The following CCSER1 variants were observed in gnomAD, a reference collection of about 807,000 sequenced individuals.
CCSER1 encodes serine-rich coiled-coil domain-containing protein 1.
A neutral mutation model predicts 82.0 loss-of-function variants in CCSER1; 41 were observed. The observed-to-expected ratio is 0.50, with a 90% confidence interval of 0.39 to 0.65. The LOEUF (loss-of-function observed/expected upper bound fraction) is 0.65, where lower values mean the gene tolerates loss of function less well. Among genes scored for constraint, CCSER1 ranks in the 30% least tolerant of loss-of-function variants. CCSER1 has a pLI of 0.00. For synonymous variants in CCSER1, 414 were observed against 383.9 expected (o/e 1.08, Z -0.92); for missense variants, 1,119 against 1,064.2 (o/e 1.05, Z -0.72).
chr4:91,103,051 G>A (rs911021458), intron 10 of CCSER1, among the ~76,000 whole-genome samples: 6 of 152,052 alleles, frequency 3.9e-5, no homozygotes, highest in African/African-American at 1.4e-4. Flanking sequence ...TTTTGGCATT[G>A]CTGTGTAACG....
chr4:91,188,216 G>A (rs1047978846), intron 10 of CCSER1, among the ~76,000 whole-genome samples: 3 of 152,036 alleles, frequency 2.0e-5, no homozygotes, highest in Non-Finnish European at 2.9e-5. Flanking sequence ...ACTTGAAAAT[G>A]TTCTGTTTTA....
At chr4:91,392,428 T>C (rs896762857) in intron 10 of CCSER1, among the ~76,000 whole-genome samples, 13 of 151,214 alleles carry the variant, frequency 8.6e-5, no homozygotes, top group African/African-American at 3.2e-4. Flanking sequence ...TCTTTTGTGA[T>C]TTTTTTTCCT....
intron 5 of CCSER1, among the ~76,000 whole-genome samples, chr4:90,512,854 G>T (rs1305045266): frequency 6.6e-6 from 1 of 152,120 alleles, no homozygotes. Context: ...AATAATTTGT[G>T]TAAGTAAAAC....
At chr4:91,135,784 C>T (rs1378781106) in intron 10 of CCSER1, among the ~76,000 whole-genome samples, 1 of 152,074 alleles carries the variant, frequency 6.6e-6, no homozygotes, top group Non-Finnish European at 1.5e-5. Flanking sequence ...AGTAGGGAAC[C>T]TGGGTGCAGC....
At chr4:90,652,844 T>C (rs113155791) in intron 6 of CCSER1, among the ~76,000 whole-genome samples, 2,123 of 149,178 alleles carry the variant, frequency 0.014, 49 homozygotes, top group African/African-American at 0.05. Context: ...ACTAGAAGAA[T>C]CCAAGGCCCC....
chr4:90,179,208 T>C (rs1264214823), intron 1 of CCSER1, among the ~76,000 whole-genome samples: 2 of 151,678 alleles, frequency 1.3e-5, no homozygotes, highest in Non-Finnish European at 2.9e-5. Flanking sequence ...GAGTGAAAGC[T>C]CTTGATATTG....
At chr4:90,145,812 A>G (rs931875587) in intron 1 of CCSER1, among the ~76,000 whole-genome samples, 4 of 152,130 alleles carry the variant, frequency 2.6e-5, no homozygotes, top group Admixed American at 6.5e-5. Flanking sequence ...TGTGCAATAA[A>G]AACAAAACAA....
chr4:90,264,391 A>G (rs559932833), intron 1 of CCSER1, among the ~76,000 whole-genome samples: 5 of 152,246 alleles, frequency 3.3e-5, no homozygotes, highest in Admixed American at 1.3e-4. Flanking sequence ...CATGATATCT[A>G]TCGAGTCAGT....
chr4:90,993,188 G>A (rs895286863), intron 9 of CCSER1, among the ~76,000 whole-genome samples: 6 of 152,022 alleles, frequency 3.9e-5, no homozygotes, highest in African/African-American at 1.2e-4. Context: ...TGATGTAAAT[G>A]TAGTCATTTT....
At position 90,413,985 on chromosome 4, in the gene CCSER1, T is replaced by A. The variant is rs1425033940; in HGVS notation, c.1603+13856T>A. Among the ~76,000 whole-genome samples, 540 of 67,784 alleles carry A rather than the reference T, an allele frequency of 8.0e-3. 1 individual carries two copies. The highest frequency in any genetic ancestry group is 0.01 in the Non-Finnish European group (391 of 38,174). The allele number at this position is 67,784 out of a possible 152,430, so 44.5% of individuals were successfully genotyped here. On this transcript the variant is annotated intron_variant, in intron 4 of 10. Coordinates refer to ENST00000509176, the MANE Select transcript of CCSER1 (RefSeq NM_001145065.2). Reference sequence around the variant, plus strand: ...AAAAAAAAAAAAAAAAAAAAAAATATATATATATATATATATATATATATA... The same window carrying A: ...AAAAAAAAAAAAAAAAAAAAAAATAAATATATATATATATATATATATATA...
chr4:90,187,597 T>C (rs1317170250), intron 1 of CCSER1, among the ~76,000 whole-genome samples: 1 of 151,932 alleles, frequency 6.6e-6, no homozygotes, highest in African/African-American at 2.4e-5. Flanking sequence ...TAAACTTGGC[T>C]TAAGACATTT....
intron 10 of CCSER1, among the ~76,000 whole-genome samples, chr4:91,186,905 C>G (rs987974354): frequency 2.6e-5 from 4 of 152,196 alleles, no homozygotes; most frequent in African/African-American, 9.7e-5. Flanking sequence ...TCCTGTAAAC[C>G]CACAATCTTC....
rs147427657 is a variant in CCSER1 at position 90,701,509 on chromosome 4, C to A, written c.1933-22405C>A. 7.5e-3 allele frequency among the ~76,000 whole-genome samples: 1,138 copies of A among 152,112 alleles called. 26 individuals carry two copies. The East Asian group carries it at 0.085, about 11-fold the overall frequency. On this transcript the variant is annotated intron_variant, in intron 6 of 10. Coordinates refer to ENST00000509176, the MANE Select transcript of CCSER1 (RefSeq NM_001145065.2). ...GTATGAACTTTAAATTAGTTTTTTC[C>A]AATTCTGTGAGGAAAGTCATTTGTA... is the stretch of plus-strand genomic sequence containing the variant.
intron 1 of CCSER1, among the ~76,000 whole-genome samples, chr4:90,225,325 C>T (rs1177919668): frequency 6.6e-6 from 1 of 151,470 alleles, no homozygotes; most frequent in Non-Finnish European, 1.5e-5. Context: ...TTCTGCCCAC[C>T]ATGGCCTCCT....
At chr4:91,523,743 G>A (rs139827566) in intron 10 of CCSER1, among the ~76,000 whole-genome samples, 2,306 of 151,898 alleles carry the variant, frequency 0.015, 27 homozygotes, top group Non-Finnish European at 0.023. Flanking sequence ...TTTTTATTGC[G>A]TCCATTTGAT....
chr4:90,159,381 A>C (rs1367780137), intron 1 of CCSER1, among the ~76,000 whole-genome samples: 5 of 152,148 alleles, frequency 3.3e-5, no homozygotes, highest in Non-Finnish European at 5.9e-5. Context: ...ATTGCAGTTG[A>C]ATCATGATTT....
At chr4:90,304,789 A>G (rs908622145) in intron 1 of CCSER1, among the ~76,000 whole-genome samples, 35 of 152,330 alleles carry the variant, frequency 2.3e-4, no homozygotes, top group Non-Finnish European at 4.9e-4. Context: ...CCTAAAACTT[A>G]AAGTATAATA....
At chr4:90,698,174 T>C (rs940189814) in intron 6 of CCSER1, among the ~76,000 whole-genome samples, 1 of 152,184 alleles carries the variant, frequency 6.6e-6, no homozygotes, top group Non-Finnish European at 1.5e-5. Flanking sequence ...GATTACAGTT[T>C]TTTATCTTGA....
At chr4:90,549,546 A>G (rs1777198840) in intron 5 of CCSER1, among the ~76,000 whole-genome samples, 1 of 152,160 alleles carries the variant, frequency 6.6e-6, no homozygotes. Context: ...TGGCAGATGA[A>G]GGGAAGGTTT....
Sources: allele counts gnomAD v4.1 joint callset (sites outside exome capture counted in the v4.1 genomes callset), GRCh38; gene constraint gnomAD v4.1.1; transcripts MANE v1.5; gene names NCBI Gene and HGNC (gene_info 2026-07-23, HGNC 2026-07-21).